Variants in NEK7 observed in about 807,000 individuals in gnomAD.
NEK7 encodes NIMA related kinase 7.
Under a neutral mutation model 44.6 loss-of-function variants are expected in NEK7, and 18 were observed. The ratio of observed to expected loss-of-function variants is 0.40; its 90% CI spans 0.28 to 0.60. NEK7 has a LOEUF of 0.60. Among genes scored for constraint, NEK7 ranks in the 20% least tolerant of loss-of-function variants. NEK7 has a pLI of 0.38. For missense variants in NEK7, 256 were observed against 366.5 expected, an observed-to-expected ratio of 0.70 and a Z score of 2.46; for synonymous variants, 130 against 121.1, an observed-to-expected ratio of 1.07 and a Z score of -0.48.
intron 3 of NEK7, chr1:198,256,663 TA>T (rs1653276644): frequency 1.4e-6 from 1 of 706,676 alleles, no homozygotes; most frequent in African/African-American, 1.8e-5. Flanking sequence ...TTAGGAAGAT[TA>T]AGATAAACAT....
At chr1:198,285,244 G>T (rs769679912) in intron 7 of NEK7, among the ~76,000 whole-genome samples, 1 of 152,118 alleles carries the variant, frequency 6.6e-6, no homozygotes, top group Non-Finnish European at 1.5e-5. Context: ...TAGATACCTA[G>T]AAGAGGGGAT....
chr1:198,201,904 G>A (rs546335461), intron 1 of NEK7, among the ~76,000 whole-genome samples: 7 of 152,296 alleles, frequency 4.6e-5, no homozygotes, highest in Admixed American at 6.5e-5. Context: ...AGCATATATC[G>A]AGATTGGTTT....
intron 2 of NEK7, among the ~76,000 whole-genome samples, chr1:198,234,309 T>TG (rs796381029): frequency 8.1e-5 from 7 of 86,462 alleles, no homozygotes; most frequent in African/African-American, 3.6e-4. Flanking sequence ...CAAGAAGAAT[T>TG]TTTTTTTTTA....
At chr1:198,271,918 T>TACAC (rs201751610) in intron 5 of NEK7, among the ~76,000 whole-genome samples, 80 of 139,170 alleles carry the variant, frequency 5.7e-4, no homozygotes, top group East Asian at 1.2e-3. Context: ...TATATATATA[T>TACAC]ATATATACAC....
chr1:198,288,984 C>T (rs974529919), intron 7 of NEK7, among the ~76,000 whole-genome samples: 1 of 152,094 alleles, frequency 6.6e-6, no homozygotes, highest in Admixed American at 6.6e-5. Flanking sequence ...ATATTGATCT[C>T]CTACTCAGCC....
chr1:198,186,463 C>CT (rs1484209105), intron 1 of NEK7, among the ~76,000 whole-genome samples: 1 of 152,174 alleles, frequency 6.6e-6, no homozygotes, highest in Non-Finnish European at 1.5e-5. Context: ...GCAAGGAATG[C>CT]TGAGACCTGC....
intron 9 of NEK7, among the ~76,000 whole-genome samples, chr1:198,311,188 C>A (rs1009531753): frequency 1.4e-5 from 2 of 144,146 alleles, no homozygotes; most frequent in Non-Finnish European, 3.0e-5. Context: ...GTATTTTATT[C>A]TCTTTGAAGC....
chr1:198,251,095 G>A (rs548509150), intron 2 of NEK7, among the ~76,000 whole-genome samples: 1,529 of 151,792 alleles, frequency 0.01, 32 homozygotes, highest in African/African-American at 0.035. Context: ...ATGAAGCGTT[G>A]TTGAATTTTG....
intron 5 of NEK7, among the ~76,000 whole-genome samples, chr1:198,271,924 T>C (rs60458322): frequency 0.21 from 28,476 of 134,244 alleles, 3,405 homozygotes; most frequent in African/African-American, 0.35. Flanking sequence ...TATATATATA[T>C]ACACACACAC....
At chr1:198,178,729 T>G (rs1199977169) in intron 1 of NEK7, among the ~76,000 whole-genome samples, 1 of 151,906 alleles carries the variant, frequency 6.6e-6, no homozygotes, top group East Asian at 1.9e-4. Context: ...GAATACAGAT[T>G]AACAACTCCT....
intron 9 of NEK7, among the ~76,000 whole-genome samples, chr1:198,310,865 G>A (rs1008024454): frequency 6.6e-6 from 1 of 151,580 alleles, no homozygotes. Flanking sequence ...TTGAAGTCAG[G>A]TAGTGTGATG....
chr1:198,168,930 G>A (rs1003428274), intron 1 of NEK7, among the ~76,000 whole-genome samples: 1 of 152,180 alleles, frequency 6.6e-6, no homozygotes, highest in Non-Finnish European at 1.5e-5. Context: ...AAGGAGAGGA[G>A]TATGCAGAAC....
intron 5 of NEK7, among the ~76,000 whole-genome samples, chr1:198,269,950 A>G (rs534528458): frequency 1.3e-5 from 2 of 152,078 alleles, no homozygotes; most frequent in East Asian, 3.9e-4. Flanking sequence ...TACAAAACAG[A>G]TTTCAGTTAA....
At chr1:198,177,660 G>T (rs1433478422) in intron 1 of NEK7, among the ~76,000 whole-genome samples, 4 of 152,044 alleles carry the variant, frequency 2.6e-5, no homozygotes, top group South Asian at 2.1e-4. Context: ...CTTAAAAAGG[G>T]TATGGTTATA....
chr1:198,187,893 T>C (rs1473403755), intron 1 of NEK7, among the ~76,000 whole-genome samples: 2 of 152,200 alleles, frequency 1.3e-5, no homozygotes, highest in Non-Finnish European at 2.9e-5. Flanking sequence ...AGGAGTAATT[T>C]ATTCTAAGGT....
At chr1:198,275,773 G>A (rs898054142) in intron 5 of NEK7, among the ~76,000 whole-genome samples, 4 of 150,842 alleles carry the variant, frequency 2.7e-5, no homozygotes, top group African/African-American at 9.7e-5. Context: ...TCTTTTAAGA[G>A]ATAGCCAACA....
intron 1 of NEK7, among the ~76,000 whole-genome samples, chr1:198,185,847 TTTGA>T (rs1664906140): frequency 6.6e-6 from 1 of 152,194 alleles, no homozygotes; most frequent in Non-Finnish European, 1.5e-5. Flanking sequence ...ATTTGTTCAG[TTTGA>T]TTGGTGATTG....
chr1:198,290,686 A>G (rs1654526816), intron 7 of NEK7, among the ~76,000 whole-genome samples: 1 of 152,178 alleles, frequency 6.6e-6, no homozygotes, highest in South Asian at 2.1e-4. Flanking sequence ...CATCTTATAT[A>G]ATGACTGTTG....
At chr1:198,288,192 A>G (rs1410460698) in intron 7 of NEK7, among the ~76,000 whole-genome samples, 1 of 152,220 alleles carries the variant, frequency 6.6e-6, no homozygotes, top group African/African-American at 2.4e-5. Context: ...TAAAGGCAGC[A>G]TATGTTCAGT....
Sources: gnomAD v4.1 joint callset for allele counts (sites outside exome capture counted in the v4.1 genomes callset) on GRCh38, gnomAD v4.1.1 for gene constraint, MANE v1.5 for transcripts, NCBI Gene and HGNC (gene_info 2026-07-23, HGNC 2026-07-21) for gene names.